The following TENM4 variants were observed in gnomAD, a reference collection of about 807,000 sequenced individuals.
The protein encoded by TENM4 is teneurin transmembrane protein 4, also known as teneurin-4.
TENM4 carries 82 observed loss-of-function variants against 243.3 expected under a neutral mutation model. The ratio of observed to expected loss-of-function variants is 0.34; its 90% CI spans 0.28 to 0.40. TENM4 has a LOEUF of 0.40. Ranked by LOEUF, TENM4 falls within the 10% of genes least tolerant of loss-of-function variation. The pLI, the probability that TENM4 is intolerant of heterozygous loss-of-function variation, is 1.00. For missense variants in TENM4, 3,138 were observed against 3,673.3 expected, an observed-to-expected ratio of 0.85 and a Z score of 3.77; for synonymous variants, 1,412 against 1,456.3, an observed-to-expected ratio of 0.97 and a Z score of 0.69.
At chr11:79,213,156 A>C (rs934815710) in intron 3 of TENM4, among the ~76,000 whole-genome samples, 1 of 152,050 alleles carries the variant, frequency 6.6e-6, no homozygotes, top group Non-Finnish European at 1.5e-5. Flanking sequence ...GTGGGAGGAG[A>C]AAGGCAGTGG....
intron 18 of TENM4, among the ~76,000 whole-genome samples, chr11:78,761,341 A>G (rs1433069014): frequency 6.6e-6 from 1 of 150,516 alleles, no homozygotes; most frequent in African/African-American, 2.4e-5. Context: ...CCGGGTTCCC[A>G]CCATTCTCCT....
Position 78,701,805 on chromosome 11 carries a change from G to C in TENM4, c.4808C>G (p.Thr1603Arg). ...GGTGAAGTTGTACAGGTAGTCTCCT[G>C]TGGGCAGGCTTTGGGTGTACAGGTG... ...GKHLYTQSLP[T>R]GDYLYNFTYT... Residue 1603 changes from threonine to arginine, a missense_variant, in exon 28 of 34, where the codon ACA becomes AGA. Coordinates refer to ENST00000278550, the MANE Select transcript of TENM4 (RefSeq NM_001098816.3). 1 of 1,614,056 alleles carries C rather than the reference G, an allele frequency of 6.2e-7. No homozygotes were observed. The highest frequency in any genetic ancestry group is 8.5e-7 in the Non-Finnish European group (1 of 1,179,900).
intron 1 of TENM4, among the ~76,000 whole-genome samples, chr11:79,407,910 T>TTTTTC (rs1491564052): frequency 7.4e-6 from 1 of 134,762 alleles, no homozygotes; most frequent in Non-Finnish European, 1.7e-5. Context: ...TTTCTTTTTC[T>TTTTTC]TTTTTTTTTT....
chr11:79,371,959 C>T (rs1016720492), intron 1 of TENM4, among the ~76,000 whole-genome samples: 2 of 152,038 alleles, frequency 1.3e-5, no homozygotes, highest in South Asian at 2.1e-4. Context: ...ATGGCAGCTG[C>T]GATGAACTGA....
At chr11:78,880,979 G>C (rs1044115283) in intron 9 of TENM4, among the ~76,000 whole-genome samples, 5 of 152,182 alleles carry the variant, frequency 3.3e-5, no homozygotes, top group African/African-American at 1.2e-4. Context: ...TTTTGACTGT[G>C]GTGGTGGTCA....
chr11:79,201,152 G>C (rs545055030), intron 3 of TENM4, among the ~76,000 whole-genome samples: 1 of 152,178 alleles, frequency 6.6e-6, no homozygotes, highest in South Asian at 2.1e-4. Context: ...CTGGAAGAAG[G>C]CAGTTGGGAA....
intron 15 of TENM4, among the ~76,000 whole-genome samples, chr11:78,789,130 T>C (rs970350988): frequency 6.6e-6 from 1 of 152,198 alleles, no homozygotes; most frequent in African/African-American, 2.4e-5. Context: ...GATCCTGGTA[T>C]AGAATAGACC....
At chr11:79,376,779 A>G (rs1162495911) in intron 1 of TENM4, among the ~76,000 whole-genome samples, 1 of 152,098 alleles carries the variant, frequency 6.6e-6, no homozygotes, top group Non-Finnish European at 1.5e-5. Flanking sequence ...GTCCCCTCAG[A>G]GTGGCTCACA....
intron 9 of TENM4, among the ~76,000 whole-genome samples, chr11:78,874,939 G>A (rs1166390005): frequency 1.3e-5 from 2 of 152,202 alleles, no homozygotes; most frequent in Non-Finnish European, 2.9e-5. Context: ...AGCAGGAAGG[G>A]CTTTCTCCAA....
intron 1 of TENM4, among the ~76,000 whole-genome samples, chr11:79,401,111 A>G (rs1340450807): frequency 1.3e-5 from 2 of 152,188 alleles, no homozygotes; most frequent in African/African-American, 4.8e-5. Flanking sequence ...TGGGGACAGG[A>G]AATAATACAA....
chr11:79,217,195 G>A (rs77246491), intron 2 of TENM4, among the ~76,000 whole-genome samples: 3 of 152,182 alleles, frequency 2.0e-5, no homozygotes, highest in Admixed American at 2.0e-4. Flanking sequence ...AGAAGGGTAA[G>A]GGGGAGGTGC....
At chr11:78,829,251 C>T (rs1199986916) in intron 12 of TENM4, among the ~76,000 whole-genome samples, 1 of 152,188 alleles carries the variant, frequency 6.6e-6, no homozygotes, top group Non-Finnish European at 1.5e-5. Context: ...GATCTTGTCT[C>T]TGGCATGTTT....
chr11:79,210,476 C>T (rs892096458), intron 3 of TENM4, among the ~76,000 whole-genome samples: 1 of 152,166 alleles, frequency 6.6e-6, no homozygotes, highest in African/African-American at 2.4e-5. Context: ...AGAAACACAT[C>T]TTTAAAAGAG....
At chr11:78,974,411 G>C (rs373544663) in intron 6 of TENM4, among the ~76,000 whole-genome samples, 5 of 152,314 alleles carry the variant, frequency 3.3e-5, no homozygotes, top group African/African-American at 1.2e-4. Flanking sequence ...GAGGTGATAT[G>C]ACTTGTGCAG....
chr11:78,811,088 T>C (rs1047414580), intron 14 of TENM4, among the ~76,000 whole-genome samples: 1 of 152,236 alleles, frequency 6.6e-6, no homozygotes, highest in African/African-American at 2.4e-5. Flanking sequence ...CTAAGTGCTT[T>C]ACATGGGTCA....
At chr11:79,187,838 A>G (rs76263270) in intron 3 of TENM4, among the ~76,000 whole-genome samples, 3,896 of 152,322 alleles carry the variant, frequency 0.026, 83 homozygotes, top group Non-Finnish European at 0.041. Context: ...AAGCCAAGGA[A>G]GGCCTCAGAA....
chr11:78,797,511 C>T lies in TENM4; in HGVS notation c.2179+7781G>A, dbSNP rs116592471. On this transcript the variant is annotated intron_variant, in intron 15 of 33. Transcript: ENST00000278550. The stretch of plus-strand genomic sequence containing the variant: ...GAAGAGATCCAATTCTGATAGAAAA[C>T]GTTCCAGGGCTGTCAGGGGAAATTC... Among the ~76,000 whole-genome samples, 779 of 152,310 alleles carry T rather than the reference C, an allele frequency of 5.1e-3. 11 individuals are homozygous for T. Among genetic ancestry groups the T allele is most frequent in the African/African-American group, 0.018 (754 of 41,570 alleles).
At chr11:79,431,841 A>C (rs1456249192) in intron 1 of TENM4, among the ~76,000 whole-genome samples, 1 of 152,178 alleles carries the variant, frequency 6.6e-6, no homozygotes, top group Admixed American at 6.5e-5. Context: ...AACTTGAATT[A>C]CTCAGTAGTT....
chr11:79,325,279 G>A (rs997101259), intron 1 of TENM4, among the ~76,000 whole-genome samples: 6 of 152,128 alleles, frequency 3.9e-5, no homozygotes, highest in Admixed American at 2.6e-4. Context: ...GGCCCAACAC[G>A]GGCCATACAT....
Sources: gnomAD v4.1 joint callset for allele counts (sites outside exome capture counted in the v4.1 genomes callset) on GRCh38, gnomAD v4.1.1 for gene constraint, MANE v1.5 for transcripts, NCBI Gene and HGNC (gene_info 2026-07-23, HGNC 2026-07-21) for gene names.